EVI5: variants seen among roughly 807,000 people sequenced by gnomAD.
EVI5 encodes the protein ecotropic viral integration site 5, also known as ecotropic viral integration site 5 protein homolog.
In EVI5, 73 loss-of-function variants were observed where a neutral mutation model predicts 112.0. That is an observed-to-expected ratio of 0.65 (90% CI 0.54 to 0.79). The LOEUF is 0.79. Ranked by LOEUF, EVI5 falls within the 30% of genes least tolerant of loss-of-function variation. EVI5 has a pLI of 0.00. For missense variants in EVI5, 900 were observed against 968.8 expected (o/e 0.93, Z 0.94); for synonymous variants, 305 against 319.9 (o/e 0.95, Z 0.50).
chr1:92,621,851 G>C (rs149028173), intron 16 of EVI5, among the ~76,000 whole-genome samples: 1 of 152,090 alleles, frequency 6.6e-6, no homozygotes, highest in Non-Finnish European at 1.5e-5. Context: ...GGCAGGGCAC[G>C]GTGGCTCACG....
At chr1:92,665,163 C>T (rs551419975) in intron 11 of EVI5, among the ~76,000 whole-genome samples, 5 of 152,070 alleles carry the variant, frequency 3.3e-5, no homozygotes, top group African/African-American at 4.8e-5. Context: ...CAAGATTGAG[C>T]CACTGCACTC....
intron 2 of EVI5, among the ~76,000 whole-genome samples, chr1:92,710,945 T>C (rs1036694371): frequency 1.8e-4 from 28 of 152,334 alleles, no homozygotes; most frequent in African/African-American, 6.7e-4. Context: ...GGTCTTATCT[T>C]AGACAGATGA....
chr1:92,646,514 G>A (rs1244111101), intron 13 of EVI5, among the ~76,000 whole-genome samples: 1 of 152,184 alleles, frequency 6.6e-6, no homozygotes. Context: ...AGGGGAAACA[G>A]GACTAGCCTC....
intron 18 of EVI5, among the ~76,000 whole-genome samples, chr1:92,569,432 G>C (rs1017659261): frequency 1.3e-5 from 2 of 152,140 alleles, no homozygotes; most frequent in African/African-American, 4.8e-5. Flanking sequence ...ATAAAGAATT[G>C]AAGATGAAAT....
At chr1:92,601,575 G>C (rs1465494591) in intron 18 of EVI5, among the ~76,000 whole-genome samples, 1 of 31,240 alleles carries the variant, frequency 3.2e-5, no homozygotes, top group African/African-American at 1.6e-4. Context: ...AATGAGCCTG[G>C]AGAACCTTAA....
At chr1:92,619,872 G>A (rs771048399) in intron 16 of EVI5, among the ~76,000 whole-genome samples, 2 of 152,086 alleles carry the variant, frequency 1.3e-5, no homozygotes, top group Non-Finnish European at 2.9e-5. Context: ...GAAAGAATGA[G>A]TGAACTTAAT....
chr1:92,688,311 C>T (rs923674471), intron 9 of EVI5, among the ~76,000 whole-genome samples: 2 of 152,188 alleles, frequency 1.3e-5, no homozygotes, highest in Non-Finnish European at 2.9e-5. Context: ...CATGCTCTCA[C>T]TCATAGGTGG....
chr1:92,526,729 T>C (rs890443009), intron 19 of EVI5, among the ~76,000 whole-genome samples: 2 of 152,132 alleles, frequency 1.3e-5, no homozygotes, highest in East Asian at 1.9e-4. Flanking sequence ...ACACAGGGGA[T>C]TGTTAGGCAG....
intron 9 of EVI5, among the ~76,000 whole-genome samples, chr1:92,682,241 G>A (rs1667709294): frequency 6.6e-6 from 1 of 151,996 alleles, no homozygotes; most frequent in Non-Finnish European, 1.5e-5. Context: ...CTTCCCTCTG[G>A]TGTCGGCTCA....
chr1:92,650,932 A>G (rs960818581), intron 13 of EVI5, among the ~76,000 whole-genome samples: 5 of 152,138 alleles, frequency 3.3e-5, no homozygotes, highest in Admixed American at 1.3e-4. Context: ...CCATCTTCAT[A>G]TCATTGAGTC....
chr1:92,749,251 C>T (rs1679820275), intron 1 of EVI5: 9 of 343,608 alleles, frequency 2.6e-5, no homozygotes, highest in South Asian at 2.1e-4. Flanking sequence ...GGGTGTTTTA[C>T]CACTGGTGCA....
At position 92,624,100 on chromosome 1, in the gene EVI5, G is replaced by A. The variant is rs948977799; in HGVS notation, c.1827+76C>T. ...ATCTTTACCTTTTATCTCTGTTCTAGGGATGATACAATCTGTGCACAAACC... is the reference window on the plus strand; with the variant it reads ...ATCTTTACCTTTTATCTCTGTTCTAAGGATGATACAATCTGTGCACAAACC... On this transcript the variant is annotated intron_variant, in intron 16 of 19. Coordinates refer to ENST00000684568, the MANE Select transcript of EVI5 (RefSeq NM_001350197.2). 24 of 1,289,650 alleles carry A rather than the reference G, an allele frequency of 1.9e-5. No homozygotes were observed. The African/African-American group carries it at 3.1e-4, about 17-fold the overall frequency. 79.9% of individuals were successfully genotyped at this position (1,289,650 alleles called of 1,614,324 possible).
chr1:92,569,402 T>A (rs1669966221), intron 18 of EVI5, among the ~76,000 whole-genome samples: 1 of 152,174 alleles, frequency 6.6e-6, no homozygotes, highest in Admixed American at 6.5e-5. Flanking sequence ...CTCTGATAAT[T>A]TAAATGGGAA....
intron 2 of EVI5, among the ~76,000 whole-genome samples, chr1:92,718,871 C>G (rs1180583211): frequency 2.0e-5 from 3 of 152,094 alleles, no homozygotes; most frequent in African/African-American, 7.2e-5. Flanking sequence ...GATATCACCA[C>G]CGATCCCACA....
At chr1:92,661,884 G>C (rs1458398548) in intron 13 of EVI5, among the ~76,000 whole-genome samples, 4 of 152,032 alleles carry the variant, frequency 2.6e-5, no homozygotes, top group African/African-American at 9.7e-5. Context: ...AACTTCTTCT[G>C]CTTACTTATT....
intron 10 of EVI5, among the ~76,000 whole-genome samples, chr1:92,672,629 A>G (rs1001122253): frequency 6.6e-5 from 10 of 152,182 alleles, no homozygotes; most frequent in African/African-American, 2.4e-4. Flanking sequence ...CCATATTAAA[A>G]TATAATCTCC....
chr1:92,594,862 A>C (rs1433201006), intron 18 of EVI5, among the ~76,000 whole-genome samples: 2 of 151,902 alleles, frequency 1.3e-5, no homozygotes, highest in Non-Finnish European at 2.9e-5. Flanking sequence ...CAAAACCACA[A>C]TGAGATACCA....
Position 92,514,790 on chromosome 1 carries a change from T to C in EVI5, c.2167-820A>G, listed in dbSNP as rs80264543. Among the ~76,000 whole-genome samples the C allele has an allele frequency of 2.0e-5, 3 of 152,330 alleles. No individual in the cohort carries two copies. The East Asian group carries it at 5.8e-4, about 29-fold the overall frequency. On this transcript the variant is annotated intron_variant, in intron 19 of 19. Transcript: ENST00000684568. ...ATATTTTGCTGGTATTTCTAGAAGG[T>C]ATGAACTTAAAAACCATACTATCAC...
At chr1:92,680,385 C>G (rs1427740553) in intron 9 of EVI5, among the ~76,000 whole-genome samples, 2 of 152,090 alleles carry the variant, frequency 1.3e-5, no homozygotes, top group African/African-American at 2.4e-5. Context: ...CTGGACAAAT[C>G]AGGGATAATT....
Sources: gnomAD v4.1 joint callset for allele counts (sites outside exome capture counted in the v4.1 genomes callset) on GRCh38, gnomAD v4.1.1 for gene constraint, MANE v1.5 for transcripts, NCBI Gene and HGNC (gene_info 2026-07-23, HGNC 2026-07-21) for gene names.